FRYL: variants seen among roughly 807,000 people sequenced by gnomAD.
FRYL encodes protein furry homolog-like.
Under a neutral mutation model 351.2 loss-of-function variants are expected in FRYL, and 150 were observed. The observed-to-expected ratio is 0.43, with a 90% CI of 0.37 to 0.49. FRYL has a LOEUF of 0.49. Among genes scored for constraint, FRYL ranks in the 20% least tolerant of loss-of-function variants. The probability of loss-of-function intolerance (pLI) is 0.00; values close to 1 mark genes in which losing one functional copy is unlikely to be tolerated. For synonymous variants in FRYL, 1,153 were observed against 1,257.1 expected (o/e 0.92, Z 1.75); for missense variants, 3,036 against 3,619.3 (o/e 0.84, Z 4.13).
At chr4:48,746,468 C>A (rs1419037464) in intron 1 of FRYL, among the ~76,000 whole-genome samples, 2 of 151,680 alleles carry the variant, frequency 1.3e-5, no homozygotes, top group Non-Finnish European at 2.9e-5. Context: ...TGGCGTGAAC[C>A]CGGGAGGCGG....
At chr4:48,527,803 ATAGT>A in intron 52 of FRYL, 150 bp from the exon 53 acceptor site, 2 of 962,668 alleles carry the variant, frequency 2.1e-6, no homozygotes, top group Non-Finnish European at 3.1e-6. Flanking sequence ...AGTTGAACAC[ATAGT>A]TAGCATGGCT....
intron 3 of FRYL, among the ~76,000 whole-genome samples, chr4:48,678,109 T>C (rs1041722528): frequency 5.9e-5 from 9 of 152,166 alleles, no homozygotes; most frequent in Admixed American, 3.3e-4. Context: ...AGAGAAGGTA[T>C]TGGCCGGGTG....
intron 1 of FRYL, among the ~76,000 whole-genome samples, chr4:48,769,719 G>A (rs537745408): frequency 4.6e-5 from 7 of 152,254 alleles, no homozygotes; most frequent in East Asian, 1.9e-4. Flanking sequence ...ACTCTGCTAC[G>A]TTCATACAAT....
chr4:48,507,203 T>C (rs1420094868), intron 59 of FRYL, among the ~76,000 whole-genome samples: 1 of 152,216 alleles, frequency 6.6e-6, no homozygotes, highest in Admixed American at 6.5e-5. Context: ...ATTCAAAATA[T>C]TGCTGATTTT....
At chr4:48,557,819 T>A in intron 33 of FRYL, 107 bp from the exon 34 acceptor site, 1 of 1,238,916 alleles carries the variant, frequency 8.1e-7, no homozygotes, top group Non-Finnish European at 1.1e-6. Context: ...TTTTACTCAT[T>A]ACACTTAACA....
chr4:48,655,695 A>G (rs936225546), intron 3 of FRYL, among the ~76,000 whole-genome samples: 1 of 147,200 alleles, frequency 6.8e-6, no homozygotes, highest in Non-Finnish European at 1.5e-5. Flanking sequence ...TGTATATATT[A>G]TATAATGTAT....
intron 55 of FRYL, among the ~76,000 whole-genome samples, chr4:48,519,572 G>A (rs1724442011): frequency 1.3e-5 from 2 of 150,748 alleles, no homozygotes; most frequent in Non-Finnish European, 1.5e-5. Flanking sequence ...GCGCGATCTC[G>A]GCTCCCTGTA....
At chr4:48,556,238 G>A (rs1578100625) in intron 35 of FRYL, among the ~76,000 whole-genome samples, 1 of 152,266 alleles carries the variant, frequency 6.6e-6, no homozygotes, top group Middle Eastern at 3.4e-3. Flanking sequence ...AGTCTTCCGT[G>A]GACCACACTT....
Position 48,626,266 on chromosome 4 carries a change from A to G in FRYL, c.121-3087T>C, listed in dbSNP as rs1478878589. ...TCTCTCTCTATGTGTGTGTGTGTGT[A>G]TATGTGTATACATGTGTATACGTAT... On this transcript the variant is annotated intron_variant, in intron 4 of 63. Transcript: ENST00000358350. Among the ~76,000 whole-genome samples, 6 of 151,974 alleles carry G rather than the reference A, an allele frequency of 3.9e-5. No individual in the cohort carries two copies. In the East Asian group the frequency reaches 9.6e-4, roughly 24 times the overall value.
intron 3 of FRYL, among the ~76,000 whole-genome samples, chr4:48,639,786 T>C (rs1578473644): frequency 6.6e-6 from 1 of 151,766 alleles, no homozygotes; most frequent in African/African-American, 2.4e-5. Context: ...GTATACAAAA[T>C]ACATAAAGAA....
chr4:48,623,202 T>A, intron 4 of FRYL, 23 bp from the exon 5 acceptor site: 1 of 1,174,774 alleles, frequency 8.5e-7, no homozygotes, highest in Non-Finnish European at 1.2e-6. Flanking sequence ...AAAACAAACA[T>A]TAAAAATAAA....
Position 48,512,673 on chromosome 4 carries a change from CTCT to C in FRYL, c.7950_7952del (p.Glu2651del), listed in dbSNP as rs1291473958. 1.2e-6 allele frequency: 2 copies of C among 1,613,128 alleles called. No individual in the cohort carries two copies. The highest frequency in any genetic ancestry group is 1.7e-5 in the Admixed American group (1 of 60,002). ...TCTGTACTTCTGGAAAACCATCTTG[CTCT>C]TCTTCATCTTGACTATTAACACAGA... On this transcript the variant is annotated inframe_deletion, in exon 57 of 64. Coordinates refer to ENST00000358350, the MANE Select transcript of FRYL (RefSeq NM_015030.2).
intron 1 of FRYL, among the ~76,000 whole-genome samples, chr4:48,727,678 T>C (rs901249240): frequency 6.6e-6 from 1 of 152,176 alleles, no homozygotes; most frequent in Non-Finnish European, 1.5e-5. Flanking sequence ...AACAACCATT[T>C]TGAAATGCAC....
rs1425419388 is a variant in FRYL, at chr4:48,498,022, T to TA, written c.*1399dup. ...AGTCACAGTGGATAAGAGATGTATA[T>TA]AAAAAATACAAGGTGTTTCTTTCAA... On this transcript the variant is annotated 3_prime_UTR_variant, in exon 64 of 64. Coordinates refer to ENST00000358350, the MANE Select transcript of FRYL (RefSeq NM_015030.2). 1.3e-5 allele frequency: 2 copies of TA among 151,696 alleles called. No homozygotes were observed. Among genetic ancestry groups the TA allele is most frequent in the Non-Finnish European group, 2.9e-5 (2 of 67,886 alleles). The allele number at this position is 151,696 out of a possible 1,614,324, so 9.4% of individuals were successfully genotyped here. A position where few individuals can be genotyped will look rare whatever the true frequency, so the allele number is the denominator to read the frequency against.
At chr4:48,593,000 A>G (rs750943167) in intron 16 of FRYL, among the ~76,000 whole-genome samples, 14 of 152,200 alleles carry the variant, frequency 9.2e-5, no homozygotes, top group Non-Finnish European at 1.8e-4. Context: ...ACAAAGAATT[A>G]ATTTATGAAA....
chr4:48,745,683 C>T (rs978065606), intron 1 of FRYL, among the ~76,000 whole-genome samples: 1 of 152,106 alleles, frequency 6.6e-6, no homozygotes, highest in African/African-American at 2.4e-5. Flanking sequence ...AGCACACCAA[C>T]ATGGCACATG....
At chr4:48,699,150 T>C (rs756475152) in intron 2 of FRYL, among the ~76,000 whole-genome samples, 2 of 152,154 alleles carry the variant, frequency 1.3e-5, no homozygotes, top group African/African-American at 4.8e-5. Context: ...GTATAAGCTG[T>C]TATATGGAGT....
intron 60 of FRYL, 174 bp downstream of exon 60, chr4:48,505,373 T>A: frequency 3.1e-6 from 2 of 647,196 alleles, no homozygotes; most frequent in Non-Finnish European, 5.6e-6. Flanking sequence ...GAATTTTTCA[T>A]TATGAAACCA....
chr4:48,766,597 G>T (rs1181703769), intron 1 of FRYL, among the ~76,000 whole-genome samples: 1 of 152,114 alleles, frequency 6.6e-6, no homozygotes, highest in Non-Finnish European at 1.5e-5. Flanking sequence ...CAGTCACAGG[G>T]GGCCCTGAGT....
Sources: allele counts gnomAD v4.1 joint callset (sites outside exome capture counted in the v4.1 genomes callset), GRCh38; gene constraint gnomAD v4.1.1; transcripts MANE v1.5; gene names NCBI Gene and HGNC (gene_info 2026-07-23, HGNC 2026-07-21).